SCAMP2: variants seen among roughly 807,000 people sequenced by gnomAD.
The protein encoded by SCAMP2 is secretory carrier-associated membrane protein 2.
Under a neutral mutation model 44.1 loss-of-function variants are expected in SCAMP2, and 25 were observed. That is an observed-to-expected ratio of 0.57 (90% CI 0.41 to 0.79). SCAMP2 has a LOEUF of 0.79. SCAMP2 is among the 30% of genes least tolerant of loss of function. The probability of loss-of-function intolerance (pLI) is 0.00; values close to 1 mark genes in which losing one functional copy is unlikely to be tolerated. For synonymous variants in SCAMP2, 156 were observed against 166.0 expected (o/e 0.94, Z 0.46); for missense variants, 355 against 411.0 (o/e 0.86, Z 1.18).
chr15:74,852,200 G>C lies in SCAMP2; in HGVS notation c.226-14C>G. The C allele has an allele frequency of 2.0e-6, 3 of 1,471,968 alleles. No homozygotes were observed. Among genetic ancestry groups the C allele is most frequent in the Non-Finnish European group, 2.7e-6 (3 of 1,104,966 alleles). The allele number at this position is 1,471,968 out of a possible 1,614,324, so 91.2% of individuals were successfully genotyped here. Reference sequence around the variant, plus strand: ...AGACACCACGGCCTGGAGAGAACAGGGGAGGTACAGGGACAGCCAGACACA... The same window carrying C: ...AGACACCACGGCCTGGAGAGAACAGCGGAGGTACAGGGACAGCCAGACACA... On this transcript the variant is annotated splice_polypyrimidine_tract_variant and intron_variant, in intron 3 of 8. Coordinates refer to ENST00000268099, the MANE Select transcript of SCAMP2 (RefSeq NM_005697.5).
intron 7 of SCAMP2, among the ~76,000 whole-genome samples, chr15:74,847,086 A>ACT (rs769605955): frequency 2.7e-5 from 3 of 109,280 alleles, no homozygotes; most frequent in Admixed American, 2.3e-4. Context: ...TTGTCAGTTA[A>ACT]TTTTTTTTTT....
intron 5 of SCAMP2, 37 bp downstream of exon 5, chr15:74,851,316 T>C: frequency 6.2e-7 from 1 of 1,606,532 alleles, no homozygotes; most frequent in Non-Finnish European, 8.5e-7. Flanking sequence ...TCACACCCAA[T>C]TCGCCCTTGC....
chr15:74,854,432 C>A, intron 2 of SCAMP2, 149 bp downstream of exon 2: 1 of 772,994 alleles, frequency 1.3e-6, no homozygotes, highest in Admixed American at 2.1e-5. Flanking sequence ...GCCATCCTTA[C>A]CCTGCCTCCC....
rs956167860 is a variant in SCAMP2 at position 74,855,563 on chromosome 15, A to G, written c.58-914T>C. On this transcript the variant is annotated intron_variant, in intron 1 of 8. Transcript: ENST00000268099. ...GAAACCCCGTCTCTACTAAAAATAT[A>G]AAATTAGCCAGGTGTGGTGGCGCAT... Among the ~76,000 whole-genome samples the G allele has an allele frequency of 2.0e-5, 3 of 151,960 alleles. No individual in the cohort carries two copies. In the South Asian group the frequency reaches 6.2e-4, roughly 32 times the overall value.
chr15:74,853,886 G>C (rs529143323), intron 3 of SCAMP2, 135 bp downstream of exon 3: 3 of 745,092 alleles, frequency 4.0e-6, no homozygotes, highest in Non-Finnish European at 6.8e-6. Flanking sequence ...GACCAGCTCC[G>C]AACAAATTAG....
At position 74,854,565 on chromosome 15, in the gene SCAMP2, G is replaced by A. The variant is rs1322820686; in HGVS notation, c.126+16C>T. The A allele has an allele frequency of 5.7e-6, 9 of 1,586,040 alleles. No individual in the cohort carries two copies. In the East Asian group the frequency reaches 2.1e-4, roughly 37 times the overall value. On this transcript the variant is annotated intron_variant, in intron 2 of 8. Coordinates refer to ENST00000268099, the MANE Select transcript of SCAMP2 (RefSeq NM_005697.5). ...TAGAGGGCCATGGGACTTGGAAAGAGGGCCTGCTCACCAACCTCTGAGAAG... is the reference window on the plus strand; with the variant it reads ...TAGAGGGCCATGGGACTTGGAAAGAAGGCCTGCTCACCAACCTCTGAGAAG...
chr15:74,851,944 G>T, intron 4 of SCAMP2, 125 bp downstream of exon 4: 2 of 594,604 alleles, frequency 3.4e-6, no homozygotes, highest in Non-Finnish European at 5.7e-6. Context: ...AGCATCCTGT[G>T]ATGAGAAGAG....
chr15:74,849,575 C>T (rs564488000), intron 6 of SCAMP2, among the ~76,000 whole-genome samples: 7 of 152,276 alleles, frequency 4.6e-5, no homozygotes, highest in African/African-American at 9.6e-5. Flanking sequence ...GAAACCCCAT[C>T]GCTACTAAAA....
chr15:74,869,661 T>C (rs1356259502), intron 1 of SCAMP2, among the ~76,000 whole-genome samples: 1 of 152,218 alleles, frequency 6.6e-6, no homozygotes, highest in Non-Finnish European at 1.5e-5. Context: ...TCCTCATCTC[T>C]AAACTGAAGA....
intron 1 of SCAMP2, among the ~76,000 whole-genome samples, 158 bp from the exon 2 acceptor site, chr15:74,854,807 A>G (rs1271521639): frequency 6.6e-6 from 1 of 152,158 alleles, no homozygotes; most frequent in Non-Finnish European, 1.5e-5. Flanking sequence ...CCTCTGCCAC[A>G]CCACAGCTGC....
intron 1 of SCAMP2, among the ~76,000 whole-genome samples, chr15:74,866,477 G>C (rs186055394): frequency 6.6e-6 from 1 of 152,078 alleles, no homozygotes; most frequent in Non-Finnish European, 1.5e-5. Context: ...CCGGGAGACC[G>C]AGGTGGGTGG....
intron 7 of SCAMP2, 108 bp downstream of exon 7, chr15:74,848,492 T>G: frequency 1.5e-6 from 1 of 689,308 alleles, no homozygotes. Context: ...CTCCCCGCCA[T>G]GGGAAAAGCA....
chr15:74,848,649 T>A lies in SCAMP2; in HGVS notation c.685A>T (p.Ile229Leu). The change falls in exon 7 of 9, where the codon ATA (isoleucine) becomes TTA (leucine). Residue 229 changes from isoleucine to leucine, a missense_variant. Physicochemically the swap from Ile to Leu is conservative, Grantham distance 5 (BLOSUM62 2). Transcript: ENST00000268099. ...ACCAACTGGATGATGTAGATCCCTATTTGACAAAAAAATACAAAGAAGAAC... is the reference window on the plus strand; with the variant it reads ...ACCAACTGGATGATGTAGATCCCTAATTGACAAAAAAATACAAAGAAGAAC... ...FVFFFVFFCQIGIYIIQLVGI... is the reference protein window; with the variant it reads ...FVFFFVFFCQLGIYIIQLVGI... The A allele has an allele frequency of 5.0e-6, 8 of 1,613,828 alleles. No individual in the cohort carries two copies. Among genetic ancestry groups the A allele is most frequent in the Non-Finnish European group, 6.8e-6 (8 of 1,179,824 alleles).
intron 1 of SCAMP2, among the ~76,000 whole-genome samples, chr15:74,868,699 C>T (rs1207534933): frequency 6.6e-6 from 1 of 152,176 alleles, no homozygotes; most frequent in African/African-American, 2.4e-5. Context: ...CATGCCACCA[C>T]ACCCAGCTAA....
chr15:74,862,521 A>G (rs1022497050), intron 1 of SCAMP2, among the ~76,000 whole-genome samples: 1 of 151,732 alleles, frequency 6.6e-6, no homozygotes, highest in African/African-American at 2.4e-5. Flanking sequence ...GGCTGCAGTG[A>G]GCCGAGATCA....
intron 1 of SCAMP2, among the ~76,000 whole-genome samples, chr15:74,869,249 T>C (rs1241674374): frequency 2.0e-5 from 3 of 151,924 alleles, no homozygotes; most frequent in Non-Finnish European, 4.4e-5. Context: ...CTGGCATTAC[T>C]CAGAATATAT....
At chr15:74,857,896 T>C (rs762098700) in intron 1 of SCAMP2, among the ~76,000 whole-genome samples, 7 of 152,220 alleles carry the variant, frequency 4.6e-5, no homozygotes, top group Non-Finnish European at 1.0e-4. Context: ...CTCAGCGGTT[T>C]GAGAAGACAC....
chr15:74,861,332 A>G (rs1316722746), intron 1 of SCAMP2, among the ~76,000 whole-genome samples: 2 of 152,170 alleles, frequency 1.3e-5, no homozygotes, highest in Admixed American at 6.5e-5. Flanking sequence ...TCACCCCCAG[A>G]GTGGCTAGCT....
intron 1 of SCAMP2, among the ~76,000 whole-genome samples, chr15:74,856,717 C>T (rs572213565): frequency 1.4e-4 from 21 of 152,026 alleles, no homozygotes; most frequent in African/African-American, 3.1e-4. Flanking sequence ...CCTCAGCCTC[C>T]GGAGTAACCA....
Sources: gnomAD v4.1 joint callset for allele counts (sites outside exome capture counted in the v4.1 genomes callset) on GRCh38, gnomAD v4.1.1 for gene constraint, MANE v1.5 for transcripts, NCBI Gene and HGNC (gene_info 2026-07-23, HGNC 2026-07-21) for gene names.